The following ADCYAP1R1 variants were observed in gnomAD, a reference collection of about 807,000 sequenced individuals.
ADCYAP1R1 encodes the protein ADCYAP receptor type I.
ADCYAP1R1 carries 44 observed loss-of-function variants against 67.6 expected under a neutral mutation model. That is an observed-to-expected ratio of 0.65 (90% confidence interval 0.51 to 0.84). ADCYAP1R1 has a LOEUF of 0.84. ADCYAP1R1 is among the 40% of genes least tolerant of loss of function. The probability of loss-of-function intolerance (pLI) is 0.00; values close to 1 mark genes in which losing one functional copy is unlikely to be tolerated. For missense variants in ADCYAP1R1, 477 were observed against 587.9 expected, an observed-to-expected ratio of 0.81 and a Z score of 1.95; for synonymous variants, 222 against 219.6, an observed-to-expected ratio of 1.01 and a Z score of -0.10.
At chr7:31,090,651 T>C (rs1274731677) in intron 12 of ADCYAP1R1, among the ~76,000 whole-genome samples, 1 of 152,246 alleles carries the variant, frequency 6.6e-6, no homozygotes, top group Non-Finnish European at 1.5e-5. Flanking sequence ...CTCCCACGTC[T>C]AAGTGAGAAC....
intron 14 of ADCYAP1R1, among the ~76,000 whole-genome samples, chr7:31,104,087 T>G (rs1341666340): frequency 6.6e-6 from 1 of 152,152 alleles, no homozygotes; most frequent in African/African-American, 2.4e-5. Flanking sequence ...CCAAGGCCAT[T>G]TAACCGGGCC....
chr7:31,106,816 GA>G lies in ADCYAP1R1; in HGVS notation c.*133del. 1 of 1,114,378 alleles carries G rather than the reference GA, an allele frequency of 9.0e-7. No individual in the cohort carries two copies. The highest frequency in any genetic ancestry group is 3.0e-5 in the Admixed American group (1 of 33,808). The allele number at this position is 1,114,378 out of a possible 1,614,324, so 69.0% of individuals were successfully genotyped here. ...GCTGGAAGCTTGGCTCCTGAGGGGG[GA>G]GAAGGAGGCAGGGCACAGACTGGAA... On this transcript the variant is annotated 3_prime_UTR_variant, in exon 16 of 16. Coordinates refer to ENST00000304166, the MANE Select transcript of ADCYAP1R1 (RefSeq NM_001118.5).
intron 2 of ADCYAP1R1, among the ~76,000 whole-genome samples, chr7:31,063,660 A>G (rs778043358): frequency 7.2e-5 from 11 of 152,194 alleles, no homozygotes; most frequent in Non-Finnish European, 1.3e-4. Flanking sequence ...ATGCCCTGCC[A>G]GGATAGAACT....
intron 12 of ADCYAP1R1, among the ~76,000 whole-genome samples, chr7:31,092,110 TTCC>T (rs1795986431): frequency 6.7e-6 from 1 of 148,596 alleles, no homozygotes; most frequent in African/African-American, 2.5e-5. Context: ...TTTGCTTCCC[TTCC>T]TCCTCCTTTG....
intron 13 of ADCYAP1R1, chr7:31,095,546 G>A: frequency 1.4e-6 from 1 of 699,720 alleles, no homozygotes. Context: ...AGTGAATGGG[G>A]GGAGAGGGAG....
intron 13 of ADCYAP1R1, among the ~76,000 whole-genome samples, chr7:31,093,801 A>G (rs1225488954): frequency 1.3e-5 from 2 of 152,128 alleles, no homozygotes; most frequent in African/African-American, 4.8e-5. Flanking sequence ...TGCTGGGGTC[A>G]CAGCATCTAC....
intron 3 of ADCYAP1R1, among the ~76,000 whole-genome samples, chr7:31,075,793 G>A (rs1208563046): frequency 6.6e-6 from 1 of 152,194 alleles, no homozygotes. Context: ...TCATAGCTGT[G>A]TGGGGTTTGT....
intron 2 of ADCYAP1R1, among the ~76,000 whole-genome samples, chr7:31,064,496 C>T (rs1332733137): frequency 6.6e-6 from 1 of 152,188 alleles, no homozygotes; most frequent in African/African-American, 2.4e-5. Flanking sequence ...TCTCCAGATC[C>T]ATACACACAC....
At chr7:31,064,609 G>C (rs1340799597) in intron 2 of ADCYAP1R1, among the ~76,000 whole-genome samples, 3 of 152,130 alleles carry the variant, frequency 2.0e-5, no homozygotes, top group Non-Finnish European at 4.4e-5. Context: ...GAGGGAGTGG[G>C]ACCTGTCCAA....
At chr7:31,067,702 C>T (rs767800057) in intron 3 of ADCYAP1R1, among the ~76,000 whole-genome samples, 2 of 152,170 alleles carry the variant, frequency 1.3e-5, no homozygotes, top group Non-Finnish European at 2.9e-5. Context: ...GGGCGCAGCA[C>T]CAGCCATGGG....
intron 4 of ADCYAP1R1, among the ~76,000 whole-genome samples, chr7:31,080,167 T>C (rs1263434731): frequency 1.3e-5 from 2 of 152,250 alleles, no homozygotes; most frequent in Non-Finnish European, 2.9e-5. Context: ...CCTCTGGCAG[T>C]GGCACAATGA....
chr7:31,071,375 C>G (rs1429134849), intron 3 of ADCYAP1R1, among the ~76,000 whole-genome samples: 1 of 152,216 alleles, frequency 6.6e-6, no homozygotes, highest in Non-Finnish European at 1.5e-5. Flanking sequence ...CCGACCCACC[C>G]CTGGGCCTGA....
At position 31,060,120 on chromosome 7, in the gene ADCYAP1R1, G is replaced by A. The variant is rs974408290; in HGVS notation, c.-71-3074G>A. Among the ~76,000 whole-genome samples the A allele has an allele frequency of 3.9e-5, 6 of 152,034 alleles. No homozygotes were observed. In the South Asian group the frequency reaches 1.2e-3, roughly 32 times the overall value. On this transcript the variant is annotated intron_variant, in intron 1 of 15. Transcript: ENST00000304166. The stretch of plus-strand genomic sequence containing the variant: ...TGAAGCAGAGGGCTGGGGGTGGGTC[G>A]GGGCTGGGGCCTCTGCTGGAGCTTG...
intron 1 of ADCYAP1R1, among the ~76,000 whole-genome samples, chr7:31,062,759 C>T (rs73688748): frequency 0.02 from 3,075 of 152,350 alleles, 104 homozygotes; most frequent in African/African-American, 0.067. Context: ...CTGCCACTCA[C>T]ATTCCATAAG....
Position 31,098,895 on chromosome 7 carries a change from A to G in ADCYAP1R1, c.1047-4342A>G, listed in dbSNP as rs79321952. Among the ~76,000 whole-genome samples the G allele has an allele frequency of 1.9e-3, 295 of 152,214 alleles. 5 individuals carry two copies. In the East Asian group the frequency reaches 0.051, roughly 27 times the overall value. ...GCTGTCCTCATTTGCATCAGGTCCA[A>G]TCTGATTTATTAATTCATTGACCAG... On this transcript the variant is annotated intron_variant, in intron 13 of 15. Coordinates refer to ENST00000304166, the MANE Select transcript of ADCYAP1R1 (RefSeq NM_001118.5).
chr7:31,105,089 T>G (rs757239177), intron 15 of ADCYAP1R1, among the ~76,000 whole-genome samples, 180 bp downstream of exon 15: 8 of 152,196 alleles, frequency 5.3e-5, no homozygotes, highest in Non-Finnish European at 1.0e-4. Flanking sequence ...CAGGACCTCC[T>G]GATACCCACA....
Position 31,102,869 on chromosome 7 carries a change from G to A in ADCYAP1R1, c.1047-368G>A, listed in dbSNP as rs1269417706. Among the ~76,000 whole-genome samples the A allele has an allele frequency of 6.6e-6, 1 of 152,198 alleles. No individual in the cohort carries two copies. Among genetic ancestry groups the A allele is most frequent in the African/African-American group, 2.4e-5 (1 of 41,448 alleles). On this transcript the variant is annotated intron_variant, in intron 13 of 15. Coordinates refer to ENST00000304166, the MANE Select transcript of ADCYAP1R1 (RefSeq NM_001118.5). This position sits in a 1 kb window ranked among gnomAD's most constrained non-coding sequence, Gnocchi z 4.3. ...AGCTTTCTTCCAGAACAGGAGAGCG[G>A]CTGCTCTGCCTGAGGACCCTGCATT...
rs1796695508 is a variant in ADCYAP1R1 at position 31,107,455 on chromosome 7, G to A, written c.*771G>A. 1 of 152,206 alleles carries A rather than the reference G, an allele frequency of 6.6e-6. No homozygotes were observed. The highest frequency in any genetic ancestry group is 2.4e-5 in the African/African-American group (1 of 41,436). 9.4% of individuals were successfully genotyped at this position (152,206 alleles called of 1,614,324 possible). A position where few individuals can be genotyped will look rare whatever the true frequency, so the allele number is the denominator to read the frequency against. Reference sequence around the variant, plus strand: ...TGATTGCGAAAGAGACGGAGTTTGGGAGACCCATGGAAGAAAACCTTCGCC... The same window carrying A: ...TGATTGCGAAAGAGACGGAGTTTGGAAGACCCATGGAAGAAAACCTTCGCC... On this transcript the variant is annotated 3_prime_UTR_variant, in exon 16 of 16. Coordinates refer to ENST00000304166, the MANE Select transcript of ADCYAP1R1 (RefSeq NM_001118.5).
At chr7:31,090,585 G>C (rs1341071853) in intron 12 of ADCYAP1R1, among the ~76,000 whole-genome samples, 1 of 152,166 alleles carries the variant, frequency 6.6e-6, no homozygotes, top group Non-Finnish European at 1.5e-5. Context: ...ACCCTGTCTA[G>C]TAGTTCCCAG....
Sources: allele counts gnomAD v4.1 joint callset (sites outside exome capture counted in the v4.1 genomes callset), GRCh38; gene constraint gnomAD v4.1.1; non-coding constraint Gnocchi (gnomAD v3.1); transcripts MANE v1.5; gene names NCBI Gene and HGNC (gene_info 2026-07-23, HGNC 2026-07-21).